The following SLC6A15 variants were observed in gnomAD, a reference collection of about 807,000 sequenced individuals.
The protein encoded by SLC6A15 is sodium-dependent neutral amino acid transporter B(0)AT2.
In SLC6A15, 33 loss-of-function variants were observed where a neutral mutation model predicts 68.5. The observed-to-expected ratio is 0.48, with a 90% CI of 0.37 to 0.64. The LOEUF (loss-of-function observed/expected upper bound fraction) is 0.64, where lower values mean the gene tolerates loss of function less well. SLC6A15 is among the 30% of genes least tolerant of loss of function. The pLI is 0.00. For synonymous variants in SLC6A15, 347 were observed against 301.0 expected (o/e 1.15, Z -1.58); for missense variants, 747 against 874.3 (o/e 0.85, Z 1.84).
chr12:84,911,142 C>T (rs1873435870), intron 1 of SLC6A15, among the ~76,000 whole-genome samples: 1 of 152,116 alleles, frequency 6.6e-6, no homozygotes, highest in Admixed American at 6.5e-5. Context: ...GGGGCTGTGT[C>T]TGCACATAAT....
Position 84,886,055 on chromosome 12 carries a change from T to C in SLC6A15, c.303A>G (p.Leu101=). The C allele has an allele frequency of 6.3e-7, 1 of 1,594,808 alleles. No individual in the cohort carries two copies. Among genetic ancestry groups the C allele is most frequent in the Non-Finnish European group, 8.6e-7 (1 of 1,166,428 alleles). ...TTACCATAAGTAGTATTAAATATGG[T>C]AAAAGATATGCACCTAAAGAAACAA... The part of the protein sequence containing the change: ...CQKNGGGAYL[L]PYLILLMVIG... The change falls in exon 3 of 12, where the codon TTA becomes TTG. Residue 101 remains leucine (L), a synonymous_variant. Transcript: ENST00000266682.
Position 84,870,652 on chromosome 12 carries a change from A to G in SLC6A15, c.1321T>C (p.Leu441=). The change falls in exon 9 of 12, where the codon TTA becomes CTA. Residue 441 remains leucine (L), a synonymous_variant. Coordinates refer to ENST00000266682, the MANE Select transcript of SLC6A15 (RefSeq NM_182767.6). The part of the protein sequence containing the change: ...ELNKAVQGTG[L]AFIAFTEAMT... ...GCTTCTGTAAAGGCAATAAAAGCTAAGCCGGTCCCCTGAACAGCCTGCAAA... is the reference window on the plus strand; with the variant it reads ...GCTTCTGTAAAGGCAATAAAAGCTAGGCCGGTCCCCTGAACAGCCTGCAAA... 1.2e-6 allele frequency: 2 copies of G among 1,611,066 alleles called. No individual in the cohort carries two copies. The highest frequency in any genetic ancestry group is 1.7e-6 in the Non-Finnish European group (2 of 1,178,424).
chr12:84,863,683 A>G (rs1870947316), intron 10 of SLC6A15, 82 bp from the exon 11 acceptor site: 1 of 987,738 alleles, frequency 1.0e-6, no homozygotes, highest in East Asian at 3.1e-5. Flanking sequence ...TAATGGTCTG[A>G]CAAACATTTA....
At chr12:84,883,247 G>A in intron 5 of SLC6A15, 2 of 984,404 alleles carry the variant, frequency 2.0e-6, no homozygotes, top group South Asian at 4.7e-5. Flanking sequence ...AAGCTACCTA[G>A]AATTCACTTA....
Position 84,867,042 on chromosome 12 carries a change from G to A in SLC6A15, c.1647C>T (p.Gly549=). Residue 549 remains glycine (G), a synonymous_variant, in exon 10 of 12, where the codon GGC becomes GGT. Transcript: ENST00000266682. The stretch of plus-strand genomic sequence containing the variant: ...AAAGCAAATATACTTACTTATCTAT[G>A]CCATAAACAAAGCATACAGCAATAT... ...LENIAVCFVY[G]IDKFMEDLKD... 2 of 1,594,808 alleles carry A rather than the reference G, an allele frequency of 1.3e-6. No homozygotes were observed. Among genetic ancestry groups the A allele is most frequent in the Non-Finnish European group, 8.5e-7 (1 of 1,172,102 alleles).
chr12:84,905,238 T>G (rs1158406866), intron 1 of SLC6A15, among the ~76,000 whole-genome samples: 3 of 152,208 alleles, frequency 2.0e-5, no homozygotes, highest in African/African-American at 7.2e-5. Context: ...GGGTTTATTC[T>G]AAGTATTCAA....
chr12:84,880,053 C>T (rs1360286063), intron 5 of SLC6A15, among the ~76,000 whole-genome samples: 1 of 152,146 alleles, frequency 6.6e-6, no homozygotes, highest in East Asian at 1.9e-4. Context: ...CTTAAGGACA[C>T]TGATCTGGAT....
chr12:84,883,380 G>T, intron 5 of SLC6A15: 1 of 1,011,644 alleles, frequency 9.9e-7, no homozygotes, highest in Non-Finnish European at 1.2e-6. Context: ...GATGTTCAGA[G>T]CTTTAAGAAA....
At chr12:84,888,485 A>G (rs1464458818) in intron 2 of SLC6A15, among the ~76,000 whole-genome samples, 1 of 152,166 alleles carries the variant, frequency 6.6e-6, no homozygotes, top group Non-Finnish European at 1.5e-5. Flanking sequence ...GCTGGAGGCC[A>G]TTATTCTAAG....
intron 1 of SLC6A15, among the ~76,000 whole-genome samples, chr12:84,907,950 G>T (rs991826133): frequency 6.6e-6 from 1 of 152,258 alleles, no homozygotes; most frequent in African/African-American, 2.4e-5. Flanking sequence ...AATACTGTAT[G>T]ATTACATTTA....
chr12:84,885,544 A>G lies in SLC6A15; in HGVS notation c.465T>C (p.Ala155=). The change falls in exon 4 of 12, where the codon GCT becomes GCC. Residue 155 remains alanine (A), a synonymous_variant. Transcript: ENST00000266682. ...FASCVVCYFV[A]LYYNVIIGWS... ...AGCCAATGATGACGTTGTAGTAGAG[A>G]GCTACAAAATAGCACACCTGCAAAA... 1 of 1,613,178 alleles carries G rather than the reference A, an allele frequency of 6.2e-7. No individual in the cohort carries two copies. Among genetic ancestry groups the G allele is most frequent in the Non-Finnish European group, 8.5e-7 (1 of 1,179,536 alleles).
chr12:84,867,062 C>T lies in SLC6A15; in HGVS notation c.1627G>A (p.Ala543Thr), dbSNP rs781533437. The change falls in exon 10 of 12, where the codon GCT becomes ACT. Residue 543 changes from alanine (A) to threonine (T), a missense_variant. Physicochemically the swap from Ala to Thr is moderately conservative, Grantham distance 58 (BLOSUM62 0). Transcript: ENST00000266682. ...LLIVVILENI[A>T]VCFVYGIDKF... is the part of the protein sequence containing the mutation. ...TCTATGCCATAAACAAAGCATACAG[C>T]AATATTCTCCAAAATGACTACAATT... is the stretch of plus-strand genomic sequence containing the variant. The T allele has an allele frequency of 3.1e-6, 5 of 1,608,832 alleles. No individual in the cohort carries two copies. The South Asian group carries it at 4.4e-5, about 14-fold the overall frequency.
chr12:84,863,938 ATTAT>A (rs1187466640), intron 10 of SLC6A15, among the ~76,000 whole-genome samples: 1 of 151,374 alleles, frequency 6.6e-6, no homozygotes, highest in Non-Finnish European at 1.5e-5. Flanking sequence ...TTATTTAGAA[ATTAT>A]TTCTTTTAGT....
intron 10 of SLC6A15, 64 bp from the exon 11 acceptor site, chr12:84,863,665 C>T (rs1320470853): frequency 1.7e-6 from 2 of 1,207,140 alleles, no homozygotes; most frequent in South Asian, 2.0e-5. Context: ...AAAAAATGTG[C>T]ATTATATTAA....
intron 1 of SLC6A15, among the ~76,000 whole-genome samples, chr12:84,909,988 C>A (rs1309957525): frequency 1.3e-5 from 2 of 152,110 alleles, no homozygotes; most frequent in Non-Finnish European, 2.9e-5. Flanking sequence ...ACTATTCTGA[C>A]TTATTTTAAA....
chr12:84,879,961 C>T (rs1871745007), intron 5 of SLC6A15, among the ~76,000 whole-genome samples: 1 of 152,080 alleles, frequency 6.6e-6, no homozygotes. Flanking sequence ...TATGGTTATT[C>T]TGCAGTATTT....
At chr12:84,895,810 A>T (rs1872614155) in intron 1 of SLC6A15, among the ~76,000 whole-genome samples, 1 of 152,194 alleles carries the variant, frequency 6.6e-6, no homozygotes, top group Admixed American at 6.5e-5. Flanking sequence ...TCAATTTCAC[A>T]TTTTTAAGAG....
rs372180878 is a variant in SLC6A15, at chr12:84,861,553, A to T, written c.*79T>A. The T allele has an allele frequency of 6.7e-7, 1 of 1,483,206 alleles. No homozygotes were observed. Among genetic ancestry groups the T allele is most frequent in the Non-Finnish European group, 9.1e-7 (1 of 1,103,326 alleles). The allele number at this position is 1,483,206 out of a possible 1,614,324, so 91.9% of individuals were successfully genotyped here. A position where few individuals can be genotyped will look rare whatever the true frequency, so the allele number is the denominator to read the frequency against. On this transcript the variant is annotated 3_prime_UTR_variant, in exon 12 of 12. Transcript: ENST00000266682. ...ACCTGAGATTGCCCTCTGATAAGTG[A>T]AGCCTAATGCTTCTCCTACTAGGGC... is the stretch of plus-strand genomic sequence containing the variant.
intron 1 of SLC6A15, among the ~76,000 whole-genome samples, chr12:84,894,855 T>G (rs181998751): frequency 6.0e-4 from 92 of 152,182 alleles, no homozygotes; most frequent in African/African-American, 1.6e-3. Flanking sequence ...AAATGTAATA[T>G]TATATCATAA....
Sources: gnomAD v4.1 joint callset for allele counts (sites outside exome capture counted in the v4.1 genomes callset) on GRCh38, gnomAD v4.1.1 for gene constraint, MANE v1.5 for transcripts, NCBI Gene and HGNC (gene_info 2026-07-23, HGNC 2026-07-21) for gene names.